The following MYO6 variants were observed in gnomAD, a reference collection of about 807,000 sequenced individuals.
The protein encoded by MYO6 is myosin VI.
A neutral mutation model predicts 178.7 loss-of-function variants in MYO6; 74 were observed. That is an observed-to-expected ratio of 0.41 (90% CI 0.34 to 0.50). The LOEUF is 0.50. MYO6 is among the 20% of genes least tolerant of loss of function. MYO6 has a pLI of 0.09. For synonymous variants in MYO6, 477 were observed against 504.6 expected (o/e 0.95, Z 0.73); for missense variants, 1,330 against 1,547.4 (o/e 0.86, Z 2.36).
At chr6:75,897,341 T>C (rs942791731) in intron 29 of MYO6, among the ~76,000 whole-genome samples, 1 of 152,242 alleles carries the variant, frequency 6.6e-6, no homozygotes, top group Admixed American at 6.5e-5. Flanking sequence ...GCTCAAAAGA[T>C]AATTTTTATT....
At position 75,749,303 on chromosome 6, in the gene MYO6, G is replaced by C. The variant is rs1776634830; in HGVS notation, c.-168G>C. On this transcript the variant is annotated 5_prime_UTR_variant, in exon 1 of 35. Coordinates refer to ENST00000369977, the MANE Select transcript of MYO6 (RefSeq NM_004999.4). ...TCAGCCCGGCCGCTGTCGCCGCCCT[G>C]TCCTGGTGCCCGTCCGCGTCGTCGC... 6.5e-6 allele frequency: 1 copy of C among 153,154 alleles called. No homozygotes were observed. The highest frequency in any genetic ancestry group is 2.1e-4 in the South Asian group (1 of 4,846). 9.5% of individuals were successfully genotyped at this position (153,154 alleles called of 1,614,324 possible). A position where few individuals can be genotyped will look rare whatever the true frequency, so the allele number is the denominator to read the frequency against.
At chr6:75,833,317 A>G (rs758647312) in intron 6 of MYO6, among the ~76,000 whole-genome samples, 9 of 152,220 alleles carry the variant, frequency 5.9e-5, no homozygotes, top group Non-Finnish European at 1.5e-5. Flanking sequence ...TTTCTGGTAA[A>G]AAAATACTTA....
rs1583073080 is a variant in MYO6 at position 75,787,679 on chromosome 6, T to TATATATATATATATGGGGGAATGGAA, written c.-47-29822_-47-29821insATATATATATATATGGGGGAATGGAA. On this transcript the variant is annotated intron_variant, in intron 1 of 34. Transcript: ENST00000369977. ...TATATATGGGGGAATGGAACTATTC[T>TATATATATATATATGGGGGAATGGAA]CTCTCTCTCTCTCTCTCTCTCTCTC... Among the ~76,000 whole-genome samples the TATATATATATATATGGGGGAATGGAA allele has an allele frequency of 4.0e-4, 5 of 12,506 alleles. No individual in the cohort carries two copies. In the Admixed American group the frequency reaches 5.4e-3, roughly 14 times the overall value. 8.2% of individuals were successfully genotyped at this position (12,506 alleles called of 152,430 possible). A position where few individuals can be genotyped will look rare whatever the true frequency, so the allele number is the denominator to read the frequency against.
intron 1 of MYO6, among the ~76,000 whole-genome samples, chr6:75,791,359 A>G (rs1768229394): frequency 6.6e-6 from 1 of 152,234 alleles, no homozygotes; most frequent in African/African-American, 2.4e-5. Flanking sequence ...TGTTTTAAAG[A>G]ATTATGACTT....
At position 75,887,892 on chromosome 6, in the gene MYO6, T is replaced by C. The variant is rs1485449610; in HGVS notation, c.2658+898T>C. On this transcript the variant is annotated intron_variant, in intron 25 of 34. Coordinates refer to ENST00000369977, the MANE Select transcript of MYO6 (RefSeq NM_004999.4). The stretch of plus-strand genomic sequence containing the variant: ...TACTTGGGAGGCTGAGGCAGGAGAA[T>C]GGAGTGAACCGGGGGGGCGGAGCTT... 2.0e-5 allele frequency among the ~76,000 whole-genome samples: 3 copies of C among 150,732 alleles called. No individual in the cohort carries two copies. The East Asian group carries it at 5.9e-4, about 30-fold the overall frequency.
intron 1 of MYO6, among the ~76,000 whole-genome samples, chr6:75,811,229 A>T (rs1770674761): frequency 6.6e-6 from 1 of 151,558 alleles, no homozygotes; most frequent in African/African-American, 2.4e-5. Flanking sequence ...ATTTCTTTTC[A>T]CCCTTGTTCT....
At chr6:75,859,449 G>A (rs1776005057) in intron 14 of MYO6, among the ~76,000 whole-genome samples, 1 of 151,346 alleles carries the variant, frequency 6.6e-6, no homozygotes, top group Non-Finnish European at 1.5e-5. Context: ...ACAGGCGTGG[G>A]CTACCATGCC....
intron 33 of MYO6, among the ~76,000 whole-genome samples, chr6:75,912,323 G>T (rs1325332809): frequency 6.6e-6 from 1 of 152,002 alleles, no homozygotes; most frequent in Admixed American, 6.6e-5. Context: ...TTGCCAACTG[G>T]TTGGACCTGA....
chr6:75,853,022 T>C (rs1775417644), intron 11 of MYO6, among the ~76,000 whole-genome samples: 1 of 152,216 alleles, frequency 6.6e-6, no homozygotes, highest in Non-Finnish European at 1.5e-5. Context: ...TGTATGCTTA[T>C]AGCAATCGTA....
At chr6:75,756,684 A>G (rs1175733359) in intron 1 of MYO6, among the ~76,000 whole-genome samples, 1 of 152,164 alleles carries the variant, frequency 6.6e-6, no homozygotes, top group African/African-American at 2.4e-5. Context: ...ATATTATGCC[A>G]AGTGAGTATT....
intron 27 of MYO6, 48 bp downstream of exon 27, chr6:75,891,354 TG>T (rs768025831): frequency 7.1e-7 from 1 of 1,404,468 alleles, no homozygotes; most frequent in Admixed American, 1.8e-5. Flanking sequence ...ACCTACAGGC[TG>T]GGTGTGGTGG....
chr6:75,855,862 T>G lies in MYO6; in HGVS notation c.1223+579T>G, dbSNP rs570102572. ...ATAAAATTGACATTCAGCCTTGTCA[T>G]TCTGAGGCACTGCAGGATCTTCATT... is the stretch of plus-strand genomic sequence containing the variant. On this transcript the variant is annotated intron_variant, in intron 12 of 34. Transcript: ENST00000369977. Among the ~76,000 whole-genome samples the G allele has an allele frequency of 3.3e-5, 5 of 152,320 alleles. No homozygotes were observed. The South Asian group carries it at 1.0e-3, about 32-fold the overall frequency.
chr6:75,767,030 C>CTT (rs34267670), intron 1 of MYO6, among the ~76,000 whole-genome samples: 8 of 145,210 alleles, frequency 5.5e-5, no homozygotes, highest in African/African-American at 1.5e-4. Flanking sequence ...TCAATTCATT[C>CTT]TTTTTTTTTT....
In MYO6 at chr6:75,871,530, G is replaced by A. The variant is rs551245173; in HGVS notation, c.1983+845G>A. Among the ~76,000 whole-genome samples, 9 of 152,294 alleles carry A rather than the reference G, an allele frequency of 5.9e-5. No individual in the cohort carries two copies. In the East Asian group the frequency reaches 1.2e-3, roughly 20 times the overall value. The stretch of plus-strand genomic sequence containing the variant: ...CTCTCAAAGTGCTGGCATTTCAGGC[G>A]TGAGCCACGGCACCTAGTTAGAACT... On this transcript the variant is annotated intron_variant, in intron 19 of 34. Transcript: ENST00000369977.
intron 1 of MYO6, among the ~76,000 whole-genome samples, chr6:75,774,099 A>G (rs999062520): frequency 1.3e-5 from 2 of 152,232 alleles, no homozygotes; most frequent in Non-Finnish European, 2.9e-5. Flanking sequence ...ACACCTTGCT[A>G]TAGCCCCACT....
intron 1 of MYO6, among the ~76,000 whole-genome samples, chr6:75,754,688 A>G (rs1460197484): frequency 6.6e-6 from 1 of 152,114 alleles, no homozygotes; most frequent in African/African-American, 2.4e-5. Context: ...GTGTGAACTG[A>G]TTCCTCCCTG....
intron 3 of MYO6, among the ~76,000 whole-genome samples, chr6:75,823,471 A>G (rs963030197): frequency 6.6e-6 from 1 of 152,192 alleles, no homozygotes; most frequent in African/African-American, 2.4e-5. Context: ...TACACTTGTC[A>G]TGGATTTCAT....
intron 1 of MYO6, among the ~76,000 whole-genome samples, chr6:75,805,176 A>G (rs1410786743): frequency 6.6e-6 from 1 of 151,178 alleles, no homozygotes; most frequent in African/African-American, 2.4e-5. Flanking sequence ...AGGTGCAGCT[A>G]GAATGCCTGG....
intron 20 of MYO6, among the ~76,000 whole-genome samples, chr6:75,878,470 T>C (rs1443343485): frequency 1.3e-5 from 2 of 152,216 alleles, no homozygotes; most frequent in Non-Finnish European, 2.9e-5. Flanking sequence ...GGCTTACTTT[T>C]CTGCTAAGAA....
Sources: allele counts gnomAD v4.1 joint callset (sites outside exome capture counted in the v4.1 genomes callset), GRCh38; gene constraint gnomAD v4.1.1; transcripts MANE v1.5; gene names NCBI Gene and HGNC (gene_info 2026-07-23, HGNC 2026-07-21).